Variants in PIEZO2 observed in about 807,000 individuals in gnomAD.
The protein encoded by PIEZO2 is piezo-type mechanosensitive ion channel component 2.
Under a neutral mutation model 337.3 loss-of-function variants are expected in PIEZO2, and 172 were observed. That is an observed-to-expected ratio of 0.51 (90% CI 0.45 to 0.58). The LOEUF is 0.58. PIEZO2 is among the 20% of genes least tolerant of loss of function. The pLI is 0.00. For missense variants in PIEZO2, 3,028 were observed against 3,391.3 expected, an observed-to-expected ratio of 0.89 and a Z score of 2.66; for synonymous variants, 1,251 against 1,228.5, an observed-to-expected ratio of 1.02 and a Z score of -0.38.
Position 10,714,976 on chromosome 18 carries a change from C to T in PIEZO2, c.5257-46G>A, listed in dbSNP as rs1309721298. On this transcript the variant is annotated intron_variant, in intron 38 of 55. Transcript: ENST00000674853. ...CCACAGTTCTTATGGAGGCATCTAC[C>T]TGTATAGCCACCTGGCATTTCTCAA... 5.3e-6 allele frequency: 8 copies of T among 1,517,148 alleles called. No homozygotes were observed. In the Admixed American group the frequency reaches 1.2e-4, roughly 23 times the overall value. 94.0% of individuals were successfully genotyped at this position (1,517,148 alleles called of 1,614,324 possible). A position where few individuals can be genotyped will look rare whatever the true frequency, so the allele number is the denominator to read the frequency against.
Position 10,856,355 on chromosome 18 carries a change from CA to C in PIEZO2, c.703+645del, listed in dbSNP as rs1224177675. On this transcript the variant is annotated intron_variant, in intron 6 of 55. Transcript: ENST00000674853. The surrounding 1 kb of genome is among the most constrained non-coding windows in gnomAD (Gnocchi z 4.7). The stretch of plus-strand genomic sequence containing the variant: ...CTACTGTCATTTCCCCCATTTTTCC[CA>C]CTATTAAAAAACAGCTAAGTTGCTG... 6.6e-6 allele frequency among the ~76,000 whole-genome samples: 1 copy of C among 152,024 alleles called. No homozygotes were observed. The highest frequency in any genetic ancestry group is 1.5e-5 in the Non-Finnish European group (1 of 68,000).
rs953175559 is a variant in PIEZO2, at chr18:10,850,296, C to T, written c.917+5057G>A. ...TCTAGAGAAAAATGAAACTCCAGCC[C>T]TGTGCCACACATCGGCGTGGAATTT... is the stretch of plus-strand genomic sequence containing the variant. On this transcript the variant is annotated intron_variant, in intron 7 of 55. Coordinates refer to ENST00000674853, the MANE Select transcript of PIEZO2 (RefSeq NM_001378183.1). This position sits in a 1 kb window ranked among gnomAD's most constrained non-coding sequence, Gnocchi z 4.5. Among the ~76,000 whole-genome samples, 7 of 152,156 alleles carry T rather than the reference C, an allele frequency of 4.6e-5. No homozygotes were observed. Among genetic ancestry groups the T allele is most frequent in the African/African-American group, 1.4e-4 (6 of 41,424 alleles).
chr18:10,925,433 A>T (rs1057090646), intron 3 of PIEZO2, among the ~76,000 whole-genome samples: 30 of 152,224 alleles, frequency 2.0e-4, no homozygotes, highest in Non-Finnish European at 1.5e-5. Context: ...TATAATGGAC[A>T]GTAGGATACG....
intron 2 of PIEZO2, among the ~76,000 whole-genome samples, chr18:10,996,454 T>G (rs1468214957): frequency 6.6e-6 from 1 of 152,190 alleles, no homozygotes; most frequent in Non-Finnish European, 1.5e-5. Flanking sequence ...GTAAATAACT[T>G]CCAAAACATT....
intron 7 of PIEZO2, among the ~76,000 whole-genome samples, chr18:10,816,655 A>G (rs1407060097): frequency 6.8e-6 from 1 of 148,024 alleles, no homozygotes; most frequent in Non-Finnish European, 1.5e-5. Flanking sequence ...TATAGTATTG[A>G]CAATACCCAA....
Position 10,954,085 on chromosome 18 carries a change from A to G in PIEZO2, c.286+25450T>C, listed in dbSNP as rs1040485056. Among the ~76,000 whole-genome samples the G allele has an allele frequency of 2.0e-5, 3 of 152,208 alleles. No homozygotes were observed. The highest frequency in any genetic ancestry group is 2.0e-4 in the Admixed American group (3 of 15,288). Reference sequence around the variant, plus strand: ...CCTGTGAAATTTTAGGCCTTACACTATATAACTCAGTCTTGAAATCAGATA... The same window carrying G: ...CCTGTGAAATTTTAGGCCTTACACTGTATAACTCAGTCTTGAAATCAGATA... On this transcript the variant is annotated intron_variant, in intron 3 of 55. Transcript: ENST00000674853. This position sits in a 1 kb window ranked among gnomAD's most constrained non-coding sequence, Gnocchi z 4.2.
intron 1 of PIEZO2, among the ~76,000 whole-genome samples, chr18:11,086,498 A>G (rs3975423): frequency 0.17 from 25,127 of 150,268 alleles, 2,390 homozygotes; most frequent in African/African-American, 0.25. Context: ...CAGCCTGGGC[A>G]ACAGAGCGAG....
Position 10,982,570 on chromosome 18 carries a change from C to CT in PIEZO2, c.161-2911dup, listed in dbSNP as rs1257523384. On this transcript the variant is annotated intron_variant, in intron 2 of 55. Coordinates refer to ENST00000674853, the MANE Select transcript of PIEZO2 (RefSeq NM_001378183.1). This position sits in a 1 kb window ranked among gnomAD's most constrained non-coding sequence, Gnocchi z 4.1. ...TTTCAAAATATGTAAGAAAAGAATG[C>CT]TTTGAAGAATTTCAACAAACATTTT... is the stretch of plus-strand genomic sequence containing the variant. Among the ~76,000 whole-genome samples, 10 of 152,022 alleles carry CT rather than the reference C, an allele frequency of 6.6e-5. No individual in the cohort carries two copies. Among genetic ancestry groups the CT allele is most frequent in the African/African-American group, 2.4e-4 (10 of 41,402 alleles).
At chr18:10,697,624 C>G in intron 45 of PIEZO2, 124 bp downstream of exon 45, 2 of 1,305,920 alleles carry the variant, frequency 1.5e-6, no homozygotes, top group Non-Finnish European at 2.1e-6. Flanking sequence ...TTTCATTCTG[C>G]CTTACGCAGA....
chr18:11,100,656 CACA>C (rs2039385392), intron 1 of PIEZO2, among the ~76,000 whole-genome samples: 2 of 152,104 alleles, frequency 1.3e-5, no homozygotes, highest in African/African-American at 2.4e-5. Flanking sequence ...AGTGCAGTGG[CACA>C]GTTTTGGCTC....
At position 10,703,430 on chromosome 18, in the gene PIEZO2, C is replaced by T. The variant is rs573653433; in HGVS notation, c.6258+964G>A. Among the ~76,000 whole-genome samples the T allele has an allele frequency of 4.7e-4, 72 of 152,216 alleles. 1 individual carries two copies. Among genetic ancestry groups the T allele is most frequent in the Admixed American group, 3.5e-3 (54 of 15,290 alleles). The stretch of plus-strand genomic sequence containing the variant: ...GGAAATAAGATGCATGCTATCAATA[C>T]TTTCAACCAAATACTTTTGAGATGC... On this transcript the variant is annotated intron_variant, in intron 42 of 55. Coordinates refer to ENST00000674853, the MANE Select transcript of PIEZO2 (RefSeq NM_001378183.1).
In PIEZO2 at chr18:10,682,203, G is replaced by C. The variant is rs2034296831; in HGVS notation, c.7587C>G (p.Val2529=). The C allele has an allele frequency of 6.5e-7, 1 of 1,537,106 alleles. No individual in the cohort carries two copies. Among genetic ancestry groups the C allele is most frequent in the South Asian group, 1.2e-5 (1 of 84,068 alleles). The stretch of plus-strand genomic sequence containing the variant: ...AAGACATGAAGAGAAGAGGAAACCA[G>C]ACAATGCAGATGAGCAGGACGATGA... ...GMIIVLLICI[V]WFPLLFMSLI... is the part of the protein sequence containing the mutation. The change falls in exon 50 of 56, where the codon GTC becomes GTG. Residue 2529 remains valine, a synonymous_variant. Coordinates refer to ENST00000674853, the MANE Select transcript of PIEZO2 (RefSeq NM_001378183.1). The surrounding 1 kb of genome is among the most constrained non-coding windows in gnomAD (Gnocchi z 5.6).
rs373397030 is a variant in PIEZO2 at position 10,982,334 on chromosome 18, A to G, written c.161-2674T>C. 1.7e-4 allele frequency among the ~76,000 whole-genome samples: 26 copies of G among 152,246 alleles called. No homozygotes were observed. The East Asian group carries it at 3.1e-3, about 18-fold the overall frequency. ...ATAAAAGTATTTAAGAATTAACCTA[A>G]AAAAGAATGCTTAAGACCGTTCTTG... is the stretch of plus-strand genomic sequence containing the variant. On this transcript the variant is annotated intron_variant, in intron 2 of 55. Coordinates refer to ENST00000674853, the MANE Select transcript of PIEZO2 (RefSeq NM_001378183.1). This position sits in a 1 kb window ranked among gnomAD's most constrained non-coding sequence, Gnocchi z 4.1.
chr18:10,991,465 G>C (rs2035099608), intron 2 of PIEZO2, among the ~76,000 whole-genome samples: 1 of 138,200 alleles, frequency 7.2e-6, no homozygotes, highest in Non-Finnish European at 1.5e-5. Flanking sequence ...CTACTTACAA[G>C]TGAGAAGATG....
At chr18:10,733,740 G>A (rs973041052) in intron 35 of PIEZO2, among the ~76,000 whole-genome samples, 1 of 152,162 alleles carries the variant, frequency 6.6e-6, no homozygotes, top group African/African-American at 2.4e-5. Flanking sequence ...GAGCCACAGC[G>A]CCCAGCCAGA....
At chr18:10,974,735 A>C (rs773317318) in intron 3 of PIEZO2, among the ~76,000 whole-genome samples, 2 of 152,302 alleles carry the variant, frequency 1.3e-5, no homozygotes, top group South Asian at 2.1e-4. Context: ...CCTCAGCACT[A>C]TCTGCAGGTT....
intron 3 of PIEZO2, among the ~76,000 whole-genome samples, chr18:10,914,082 A>G (rs2030716023): frequency 6.6e-6 from 1 of 152,160 alleles, no homozygotes; most frequent in Admixed American, 6.5e-5. Flanking sequence ...CTGGCAGCCC[A>G]TTATTCAGTT....
intron 4 of PIEZO2, among the ~76,000 whole-genome samples, chr18:10,904,537 C>T (rs1353745123): frequency 6.6e-6 from 1 of 152,178 alleles, no homozygotes; most frequent in Non-Finnish European, 1.5e-5. Flanking sequence ...CTTCTGTGCC[C>T]ACAGGCCTTG....
rs2035481843 is a variant in PIEZO2, at chr18:10,704,469, G to A, written c.6183C>T (p.Leu2061=). 2.6e-6 allele frequency: 4 copies of A among 1,537,242 alleles called. No individual in the cohort carries two copies. Among genetic ancestry groups the A allele is most frequent in the Non-Finnish European group, 3.5e-6 (4 of 1,146,922 alleles). Residue 2061 remains leucine (L), a synonymous_variant, in exon 42 of 56, where the codon CTC becomes CTT. Coordinates refer to ENST00000674853, the MANE Select transcript of PIEZO2 (RefSeq NM_001378183.1). ...ASMITLLLPI[L]IFLWAMLSVP... is the part of the protein sequence containing the mutation. ...CGGACAACATGGCCCAGAGGAAGAT[G>A]AGGATGGGAAGCAGGAGCGTGATCA...
Sources: allele counts gnomAD v4.1 joint callset (sites outside exome capture counted in the v4.1 genomes callset), GRCh38; gene constraint gnomAD v4.1.1; non-coding constraint Gnocchi (gnomAD v3.1); transcripts MANE v1.5; gene names NCBI Gene and HGNC (gene_info 2026-07-23, HGNC 2026-07-21).